PIGK: variants seen among roughly 807,000 people sequenced by gnomAD.
PIGK encodes GPI-anchor transamidase.
PIGK carries 42 observed loss-of-function variants against 50.6 expected under a neutral mutation model. The observed-to-expected ratio is 0.83, with a 90% CI of 0.65 to 1.07. PIGK has a LOEUF of 1.07. Among genes scored for constraint, PIGK ranks in the 50% least tolerant of loss-of-function variants. The pLI is 0.00. For missense variants in PIGK, 448 were observed against 488.7 expected (o/e 0.92, Z 0.78); for synonymous variants, 151 against 156.0 (o/e 0.97, Z 0.24).
At chr1:77,114,208 TCAAA>T (rs1653914806) in intron 10 of PIGK, among the ~76,000 whole-genome samples, 1 of 151,866 alleles carries the variant, frequency 6.6e-6, no homozygotes, top group Admixed American at 6.6e-5. Flanking sequence ...AATTTTGGAG[TCAAA>T]CAGACCCAGA....
chr1:77,188,275 T>C (rs896722798), intron 3 of PIGK, among the ~76,000 whole-genome samples: 5 of 152,164 alleles, frequency 3.3e-5, no homozygotes, highest in Non-Finnish European at 7.4e-5. Flanking sequence ...TTTCTCAGCA[T>C]GGAACATCCC....
chr1:77,096,881 CTTT>C (rs141858558), intron 10 of PIGK, among the ~76,000 whole-genome samples: 1 of 124,316 alleles, frequency 8.0e-6, no homozygotes, highest in East Asian at 2.5e-4. Flanking sequence ...TCGGGTTTTT[CTTT>C]TTTTTTTTTT....
intron 3 of PIGK, among the ~76,000 whole-genome samples, chr1:77,194,186 G>A (rs1372132003): frequency 1.3e-5 from 2 of 152,148 alleles, no homozygotes; most frequent in Non-Finnish European, 2.9e-5. Context: ...AATAACATAT[G>A]CTGGCAAAGT....
chr1:77,192,505 C>A (rs539564127), intron 3 of PIGK, among the ~76,000 whole-genome samples: 23 of 151,890 alleles, frequency 1.5e-4, no homozygotes, highest in African/African-American at 5.6e-4. Flanking sequence ...ATAATGGAAA[C>A]AAGATTACAG....
intron 8 of PIGK, among the ~76,000 whole-genome samples, chr1:77,156,518 A>G (rs1655011747): frequency 6.6e-6 from 1 of 152,182 alleles, no homozygotes; most frequent in Admixed American, 6.5e-5. Context: ...AGAATCATCT[A>G]TTATTCCAAC....
At chr1:77,176,242 T>TTCAAAATTA (rs1283842575) in intron 3 of PIGK, among the ~76,000 whole-genome samples, 2 of 152,150 alleles carry the variant, frequency 1.3e-5, no homozygotes, top group African/African-American at 2.4e-5. Flanking sequence ...AAATTTCAGC[T>TTCAAAATTA]TCAAAATTAT....
intron 9 of PIGK, among the ~76,000 whole-genome samples, chr1:77,126,680 A>G (rs1410409810): frequency 6.6e-6 from 1 of 152,204 alleles, no homozygotes; most frequent in Non-Finnish European, 1.5e-5. Flanking sequence ...CATACATTCT[A>G]AGCCCCATCT....
intron 3 of PIGK, among the ~76,000 whole-genome samples, chr1:77,176,960 T>C (rs371258320): frequency 4.3e-4 from 66 of 152,346 alleles, no homozygotes; most frequent in East Asian, 3.5e-3. Flanking sequence ...TTATAACCAA[T>C]GTTTGGTTTG....
intron 10 of PIGK, 54 bp downstream of exon 10, chr1:77,122,221 T>C: frequency 8.7e-7 from 1 of 1,147,996 alleles, no homozygotes; most frequent in East Asian, 2.4e-5. Flanking sequence ...AAGCAATTAC[T>C]TCTCAGCGAT....
chr1:77,141,102 T>C (rs1206009453), intron 9 of PIGK, among the ~76,000 whole-genome samples: 1 of 152,146 alleles, frequency 6.6e-6, no homozygotes, highest in East Asian at 1.9e-4. Context: ...ATAAACATTA[T>C]AAAAATTAGA....
chr1:77,184,483 A>C (rs1267309778), intron 3 of PIGK, among the ~76,000 whole-genome samples: 2 of 152,208 alleles, frequency 1.3e-5, no homozygotes, highest in African/African-American at 4.8e-5. Context: ...GAAAACCTCC[A>C]GCCCTTTACC....
At chr1:77,158,572 G>A (rs190608239) in intron 8 of PIGK, among the ~76,000 whole-genome samples, 3 of 152,278 alleles carry the variant, frequency 2.0e-5, no homozygotes, top group Non-Finnish European at 4.4e-5. Flanking sequence ...TAACCAAAAA[G>A]TCCAGGCTGA....
chr1:77,096,046 A>G (rs917559362), intron 10 of PIGK, among the ~76,000 whole-genome samples: 3 of 152,108 alleles, frequency 2.0e-5, no homozygotes, highest in Admixed American at 1.3e-4. Context: ...GGAACCAAAA[A>G]TTAATTTTAG....
intron 3 of PIGK, among the ~76,000 whole-genome samples, chr1:77,171,444 A>G (rs1655360478): frequency 1.0e-5 from 1 of 99,482 alleles, no homozygotes; most frequent in Admixed American, 1.1e-4. Flanking sequence ...CTCAAAAAAA[A>G]AAAAAAAAAA....
intron 10 of PIGK, among the ~76,000 whole-genome samples, chr1:77,093,238 A>G (rs1457146136): frequency 6.6e-6 from 1 of 152,080 alleles, no homozygotes; most frequent in African/African-American, 2.4e-5. Flanking sequence ...CTGGGATCAA[A>G]GTCCATCTAA....
intron 10 of PIGK, among the ~76,000 whole-genome samples, chr1:77,110,621 A>AC (rs1347302739): frequency 2.0e-5 from 3 of 152,246 alleles, no homozygotes; most frequent in Non-Finnish European, 4.4e-5. Flanking sequence ...AAGATGGATT[A>AC]AAGACTTACA....
intron 10 of PIGK, among the ~76,000 whole-genome samples, chr1:77,099,323 A>C (rs1164562184): frequency 6.6e-6 from 1 of 152,194 alleles, no homozygotes; most frequent in African/African-American, 2.4e-5. Context: ...GCAGGAATAC[A>C]GTTGGCTTTA....
chr1:77,161,266 T>G, intron 8 of PIGK, 29 bp downstream of exon 8: 3 of 1,009,322 alleles, frequency 3.0e-6, no homozygotes, highest in Non-Finnish European at 4.8e-6. Context: ...CATACCTATG[T>G]GCTATAATCA....
intron 9 of PIGK, among the ~76,000 whole-genome samples, chr1:77,133,942 T>G (rs1654441922): frequency 6.6e-6 from 1 of 152,202 alleles, no homozygotes; most frequent in Non-Finnish European, 1.5e-5. Context: ...CTGATCACTC[T>G]GTCCCCGTTA....
Sources: gnomAD v4.1 joint callset for allele counts (sites outside exome capture counted in the v4.1 genomes callset) on GRCh38, gnomAD v4.1.1 for gene constraint, MANE v1.5 for transcripts, NCBI Gene and HGNC (gene_info 2026-07-23, HGNC 2026-07-21) for gene names.